Variants in POC1B observed in about 807,000 individuals in gnomAD.
POC1B encodes POC1 centriolar protein homolog B.
A neutral mutation model predicts 60.6 loss-of-function variants in POC1B; 44 were observed. The observed-to-expected ratio is 0.73, with a 90% confidence interval of 0.57 to 0.93. POC1B has a LOEUF of 0.93. Ranked by LOEUF, POC1B falls within the 40% of genes least tolerant of loss-of-function variation. The pLI, the probability that POC1B is intolerant of heterozygous loss-of-function variation, is 0.00. For synonymous variants in POC1B, 180 were observed against 198.9 expected (o/e 0.90, Z 0.80); for missense variants, 555 against 572.3 (o/e 0.97, Z 0.31).
At chr12:89,421,917 A>G (rs1215136368) in intron 11 of POC1B, among the ~76,000 whole-genome samples, 2 of 152,216 alleles carry the variant, frequency 1.3e-5, no homozygotes, top group African/African-American at 4.8e-5. Flanking sequence ...GAACACATCC[A>G]GAATACATAT....
chr12:89,458,682 G>C (rs1882355122), intron 10 of POC1B, among the ~76,000 whole-genome samples: 1 of 152,188 alleles, frequency 6.6e-6, no homozygotes, highest in Admixed American at 6.5e-5. Flanking sequence ...AGATCTATTA[G>C]AGAATTTGTA....
At chr12:89,414,845 G>C (rs1249052418), downstream of POC1B, among the ~76,000 whole-genome samples, 4 of 152,064 alleles carry the variant, frequency 2.6e-5, no homozygotes, top group African/African-American at 9.7e-5. Flanking sequence ...AGAATTCATG[G>C]GACTAACAGC....
chr12:89,440,305 A>G (rs1021009006), intron 10 of POC1B, among the ~76,000 whole-genome samples: 2 of 152,196 alleles, frequency 1.3e-5, no homozygotes, highest in African/African-American at 4.8e-5. Flanking sequence ...TTCTACATGC[A>G]CTGGGCTTTC....
At chr12:89,403,001 G>A in the POC1B span, among the ~76,000 whole-genome samples, 7 of 148,590 alleles carry the variant, frequency 4.7e-5, no homozygotes, top group Admixed American at 2.7e-4. Flanking sequence ...TCACCTGGCC[G>A]ACACAAACAC....
At chr12:89,434,675 G>A (rs974771734) in intron 10 of POC1B, among the ~76,000 whole-genome samples, 2 of 152,118 alleles carry the variant, frequency 1.3e-5, no homozygotes, top group African/African-American at 4.8e-5. Flanking sequence ...AAACTCAAAA[G>A]GGAAAACAAG....
intron 10 of POC1B, among the ~76,000 whole-genome samples, chr12:89,438,740 C>G (rs566706242): frequency 6.6e-6 from 1 of 152,332 alleles, no homozygotes; most frequent in South Asian, 2.1e-4. Context: ...TAATTCTATA[C>G]TTTCTACTCA....
At chr12:89,456,299 G>A (rs531184246) in intron 10 of POC1B, among the ~76,000 whole-genome samples, 1 of 152,288 alleles carries the variant, frequency 6.6e-6, no homozygotes, top group Admixed American at 6.5e-5. Flanking sequence ...AGGATTACAG[G>A]TGTGAGCCAC....
At chr12:89,471,098 G>A (rs979649851) in intron 6 of POC1B, among the ~76,000 whole-genome samples, 2 of 152,108 alleles carry the variant, frequency 1.3e-5, no homozygotes, top group African/African-American at 4.8e-5. Context: ...TACCTCCTAG[G>A]AATATTGTTT....
intron 10 of POC1B, chr12:89,426,080 C>T (rs573043708): frequency 6.6e-6 from 1 of 152,202 alleles, no homozygotes; most frequent in Non-Finnish European, 1.5e-5. Context: ...AATTCTGATA[C>T]ATGTTATAAC....
chr12:89,464,791 G>A (rs1592604824), intron 9 of POC1B, among the ~76,000 whole-genome samples: 1 of 134,442 alleles, frequency 7.4e-6, no homozygotes, highest in Non-Finnish European at 1.6e-5. Flanking sequence ...TGGCCCAAGA[G>A]ATTTTTTCAG....
chr12:89,407,474 G>A, the POC1B span, among the ~76,000 whole-genome samples: 113 of 152,236 alleles, frequency 7.4e-4, no homozygotes, highest in Non-Finnish European at 1.2e-3. Context: ...CTAACCTCGA[G>A]TGATCCATGG....
chr12:89,440,881 C>A (rs1474200172), intron 10 of POC1B, among the ~76,000 whole-genome samples: 1 of 152,254 alleles, frequency 6.6e-6, no homozygotes, highest in South Asian at 2.1e-4. Context: ...GAAGCCATGA[C>A]AGATGGTACC....
chr12:89,461,583 C>T (rs1882483927), intron 9 of POC1B: 1 of 152,140 alleles, frequency 6.6e-6, no homozygotes, highest in South Asian at 2.1e-4. Context: ...AAGACTTGGC[C>T]AGTGATAAGA....
chr12:89,524,953 G>C, intron 2 of POC1B, 167 bp downstream of exon 2: 1 of 1,073,418 alleles, frequency 9.3e-7, no homozygotes, highest in South Asian at 1.6e-5. Flanking sequence ...GGATGGCAGA[G>C]GGGGCCCTAG....
At chr12:89,500,486 G>A (rs1218748189) in intron 2 of POC1B, 4 of 1,590,318 alleles carry the variant, frequency 2.5e-6, no homozygotes, top group East Asian at 4.5e-5. Context: ...AAATACACCT[G>A]ACTTGAAAAA....
At chr12:89,455,517 A>C (rs1252311705) in intron 10 of POC1B, among the ~76,000 whole-genome samples, 1 of 152,162 alleles carries the variant, frequency 6.6e-6, no homozygotes, top group East Asian at 1.9e-4. Context: ...CTTCTTCCTC[A>C]GTTACTTCTG....
At chr12:89,474,301 T>C (rs1275789648) in intron 4 of POC1B, among the ~76,000 whole-genome samples, 1 of 152,018 alleles carries the variant, frequency 6.6e-6, no homozygotes, top group East Asian at 2.0e-4. Flanking sequence ...TTAATGTGAC[T>C]ATGTTAAGTG....
chr12:89,463,041 C>T (rs1398536041), intron 9 of POC1B, among the ~76,000 whole-genome samples: 1 of 152,132 alleles, frequency 6.6e-6, no homozygotes, highest in Non-Finnish European at 1.5e-5. Context: ...AACCCAATCT[C>T]AGACTTAAAA....
chr12:89,494,219 A>T (rs912164470), intron 3 of POC1B, among the ~76,000 whole-genome samples: 5 of 144,816 alleles, frequency 3.5e-5, no homozygotes, highest in Admixed American at 6.8e-5. Context: ...TTATTTTTTT[A>T]TTTTTATTTT....
Sources: gnomAD v4.1 joint callset for allele counts (sites outside exome capture counted in the v4.1 genomes callset) on GRCh38, gnomAD v4.1.1 for gene constraint, MANE v1.5 for transcripts, NCBI Gene and HGNC (gene_info 2026-07-23, HGNC 2026-07-21) for gene names.